Variants in POU6F2 observed in about 807,000 individuals in gnomAD.
The protein encoded by POU6F2 is POU class 6 homeobox 2.
POU6F2 carries 31 observed loss-of-function variants against 71.3 expected under a neutral mutation model. That is an observed-to-expected ratio of 0.43 (90% confidence interval 0.33 to 0.59). The LOEUF is 0.59. POU6F2 is among the 20% of genes least tolerant of loss of function. The pLI is 0.04. For synonymous variants in POU6F2, 347 were observed against 355.7 expected (o/e 0.98, Z 0.27); for missense variants, 783 against 856.8 (o/e 0.91, Z 1.07).
rs554173676 is a variant in POU6F2, at chr7:39,080,844, C to T, written c.106-5016C>T. On this transcript the variant is annotated intron_variant, in intron 1 of 9. Transcript: ENST00000518318. Reference sequence around the variant, plus strand: ...ATTATCTCGCTATCTTTAGTTTCTCCGACTATAAAATGAGAATGAATATGC... The same window carrying T: ...ATTATCTCGCTATCTTTAGTTTCTCTGACTATAAAATGAGAATGAATATGC... 1.9e-4 allele frequency among the ~76,000 whole-genome samples: 29 copies of T among 152,144 alleles called. No homozygotes were observed. In the East Asian group the frequency reaches 4.6e-3, roughly 24 times the overall value.
At chr7:38,992,954 T>C (rs909168559) in intron 1 of POU6F2, among the ~76,000 whole-genome samples, 2 of 152,142 alleles carry the variant, frequency 1.3e-5, no homozygotes, top group African/African-American at 4.8e-5. Flanking sequence ...TACTTACAAA[T>C]TGACAAAGTT....
At chr7:38,983,067 A>G (rs912194725) in intron 1 of POU6F2, among the ~76,000 whole-genome samples, 2 of 152,148 alleles carry the variant, frequency 1.3e-5, no homozygotes, top group African/African-American at 4.8e-5. Context: ...TCACTTTTCA[A>G]TTGCATTGTG....
intron 4 of POU6F2, among the ~76,000 whole-genome samples, chr7:39,300,764 C>G (rs2128764578): frequency 6.6e-6 from 1 of 152,170 alleles, no homozygotes; most frequent in South Asian, 2.1e-4. Flanking sequence ...ACCAGTCACA[C>G]CAGATTAGAG....
intron 4 of POU6F2, among the ~76,000 whole-genome samples, chr7:39,295,666 T>C (rs1182371079): frequency 1.3e-5 from 2 of 152,202 alleles, no homozygotes; most frequent in African/African-American, 2.4e-5. Flanking sequence ...AAACCTAGTA[T>C]TTAGATAGAG....
At chr7:39,166,066 G>A (rs1793107416) in intron 2 of POU6F2, among the ~76,000 whole-genome samples, 1 of 152,160 alleles carries the variant, frequency 6.6e-6, no homozygotes, top group Middle Eastern at 3.2e-3. Flanking sequence ...ACCTGTTCAT[G>A]TTCATCTTAT....
intron 2 of POU6F2, among the ~76,000 whole-genome samples, chr7:39,090,645 A>G (rs1791344862): frequency 2.0e-5 from 3 of 152,224 alleles, no homozygotes; most frequent in Non-Finnish European, 2.9e-5. Flanking sequence ...GTGATGAGGT[A>G]AATTCCCTAG....
chr7:39,105,589 G>A (rs2128724504), intron 2 of POU6F2, among the ~76,000 whole-genome samples: 1 of 152,154 alleles, frequency 6.6e-6, no homozygotes, highest in Non-Finnish European at 1.5e-5. Flanking sequence ...TAGATAGAAG[G>A]ATATACAAAT....
At chr7:39,395,256 A>G (rs1391789182) in intron 5 of POU6F2, among the ~76,000 whole-genome samples, 1 of 151,968 alleles carries the variant, frequency 6.6e-6, no homozygotes, top group African/African-American at 2.4e-5. Context: ...TCCTCCTTCT[A>G]CTTCATGTTC....
At chr7:39,344,658 C>A (rs564880267) in intron 5 of POU6F2, among the ~76,000 whole-genome samples, 222 of 152,262 alleles carry the variant, frequency 1.5e-3, no homozygotes, top group Non-Finnish European at 1.9e-3. Flanking sequence ...CCCTCCCCCC[C>A]CAGCAATTAG....
intron 2 of POU6F2, among the ~76,000 whole-genome samples, chr7:39,135,549 C>A (rs963017771): frequency 6.6e-6 from 1 of 150,804 alleles, no homozygotes; most frequent in South Asian, 2.1e-4. Flanking sequence ...AGTCAATAAG[C>A]CTACTAATTT....
At chr7:39,342,111 A>G (rs951543692) in intron 5 of POU6F2, among the ~76,000 whole-genome samples, 20 of 152,244 alleles carry the variant, frequency 1.3e-4, no homozygotes, top group African/African-American at 4.6e-4. Flanking sequence ...CTGTTACTCT[A>G]ACTTCTGTGG....
intron 5 of POU6F2, among the ~76,000 whole-genome samples, chr7:39,372,395 G>C (rs539830707): frequency 1.3e-5 from 2 of 152,276 alleles, no homozygotes; most frequent in South Asian, 2.1e-4. Context: ...CAGAGAAAAA[G>C]GATCAATAGA....
chr7:38,996,036 T>C (rs187721410), intron 1 of POU6F2, among the ~76,000 whole-genome samples: 31 of 1,660 alleles, frequency 0.019, no homozygotes, highest in Admixed American at 0.045. Flanking sequence ...GGGGCTTGGC[T>C]TTTTTTTTTT....
rs553591428 is a variant in POU6F2 at position 39,202,714 on chromosome 7, G to A, written c.278-1521G>A. On this transcript the variant is annotated intron_variant, in intron 2 of 9. Coordinates refer to ENST00000518318, the MANE Select transcript of POU6F2 (RefSeq NM_001370959.1). ...CACATCTAAAAAATTTAGAAGAAAG[G>A]TCTTCTGCACATTATGAGGAAGTGG... Among the ~76,000 whole-genome samples, 13 of 152,294 alleles carry A rather than the reference G, an allele frequency of 8.5e-5. No individual in the cohort carries two copies. In the East Asian group the frequency reaches 2.3e-3, roughly 27 times the overall value.
At chr7:39,095,328 C>A (rs913456037) in intron 2 of POU6F2, among the ~76,000 whole-genome samples, 2 of 152,108 alleles carry the variant, frequency 1.3e-5, no homozygotes, top group African/African-American at 4.8e-5. Flanking sequence ...TAATTATATC[C>A]TGTACTCCTA....
chr7:39,005,515 T>TGTGTGTGTGTGTGTG (rs1562664683), intron 1 of POU6F2, among the ~76,000 whole-genome samples: 1 of 151,058 alleles, frequency 6.6e-6, no homozygotes, highest in Admixed American at 6.6e-5. Context: ...TGTGTGTGTG[T>TGTGTGTGTGTGTGTG]TTATGTTGTG....
chr7:39,006,802 C>T, intron 1 of POU6F2: 1 of 1,601,246 alleles, frequency 6.2e-7, no homozygotes, highest in South Asian at 1.1e-5. Context: ...TGTTTACTGT[C>T]AAGATGCTGA....
At chr7:39,205,093 A>T (rs913723452) in intron 3 of POU6F2, among the ~76,000 whole-genome samples, 1 of 151,424 alleles carries the variant, frequency 6.6e-6, no homozygotes. Context: ...TGGCCTTGAC[A>T]TTCTTATTCC....
intron 1 of POU6F2, among the ~76,000 whole-genome samples, chr7:39,059,728 A>G (rs1790615033): frequency 6.6e-6 from 1 of 152,224 alleles, no homozygotes; most frequent in African/African-American, 2.4e-5. Context: ...ACTTGTATAT[A>G]AATCTTCACA....
Sources: gnomAD v4.1 joint callset for allele counts (sites outside exome capture counted in the v4.1 genomes callset) on GRCh38, gnomAD v4.1.1 for gene constraint, MANE v1.5 for transcripts, NCBI Gene and HGNC (gene_info 2026-07-23, HGNC 2026-07-21) for gene names.